Variants in KCNMA1 observed in about 807,000 individuals in gnomAD.
The protein encoded by KCNMA1 is potassium calcium-activated channel subfamily M alpha 1, also known as Calcium-activated potassium channel subunit alpha-1.
Under a neutral mutation model 140.0 loss-of-function variants are expected in KCNMA1, and 29 were observed. That is an observed-to-expected ratio of 0.21 (90% CI 0.15 to 0.28). KCNMA1 has a LOEUF of 0.28. Ranked by LOEUF, KCNMA1 falls within the 10% of genes least tolerant of loss-of-function variation. KCNMA1 has a pLI of 1.00. For missense variants in KCNMA1, 880 were observed against 1,602.2 expected (o/e 0.55, Z 7.70); for synonymous variants, 612 against 611.9 (o/e 1.00, Z 0.00).
At chr10:77,439,087 AAAGAG>A (rs55994326) in intron 1 of KCNMA1, among the ~76,000 whole-genome samples, 22,802 of 124,752 alleles carry the variant, frequency 0.18, 2,028 homozygotes, top group Admixed American at 0.23. Flanking sequence ...AAAGAAAAGA[AAAGAG>A]AAGAGAAGAG....
At chr10:77,109,546 C>G (rs1183400627) in intron 8 of KCNMA1, among the ~76,000 whole-genome samples, 1 of 152,144 alleles carries the variant, frequency 6.6e-6, no homozygotes, top group Non-Finnish European at 1.5e-5. Context: ...TTTTAAAAAG[C>G]AAACAGTGAA....
chr10:77,364,921 C>A (rs2094244133), intron 2 of KCNMA1, among the ~76,000 whole-genome samples: 1 of 152,172 alleles, frequency 6.6e-6, no homozygotes, highest in Non-Finnish European at 1.5e-5. Flanking sequence ...TAAATAGGAA[C>A]CGGGCTAGAA....
chr10:77,401,574 G>A (rs57258085), intron 2 of KCNMA1, among the ~76,000 whole-genome samples: 1 of 152,144 alleles, frequency 6.6e-6, no homozygotes, highest in Non-Finnish European at 1.5e-5. Flanking sequence ...TGTTTTTCCT[G>A]CTCCTCACTT....
chr10:77,400,586 G>A (rs2154459932), intron 2 of KCNMA1, among the ~76,000 whole-genome samples: 1 of 152,318 alleles, frequency 6.6e-6, no homozygotes, highest in South Asian at 2.1e-4. Flanking sequence ...GGGAGACAGG[G>A]AGCTGGCAGG....
rs539127922 is a variant in KCNMA1 at position 77,253,006 on chromosome 10, T to C, written c.541-1750A>G. ...CCCTCCCATCACACATATTCATTCA[T>C]ATGTTCCTTTCAAAGGTACACACAA... On this transcript the variant is annotated intron_variant, in intron 2 of 27. Transcript: ENST00000286628. Among the ~76,000 whole-genome samples the C allele has an allele frequency of 4.6e-5, 7 of 152,300 alleles. No homozygotes were observed. In the South Asian group the frequency reaches 1.5e-3, roughly 32 times the overall value.
At chr10:77,306,264 G>GAAAACTAC (rs2077694518) in intron 2 of KCNMA1, among the ~76,000 whole-genome samples, 1 of 152,186 alleles carries the variant, frequency 6.6e-6, no homozygotes, top group Non-Finnish European at 1.5e-5. Context: ...ACACTAAACA[G>GAAAACTAC]AAAACTACAT....
chr10:77,182,888 T>TC (rs2098814152), intron 5 of KCNMA1, among the ~76,000 whole-genome samples: 1 of 152,108 alleles, frequency 6.6e-6, no homozygotes, highest in South Asian at 2.1e-4. Context: ...AGCAGCACTC[T>TC]CCCCTTAACA....
At chr10:77,161,727 A>G (rs929402925) in intron 5 of KCNMA1, among the ~76,000 whole-genome samples, 12 of 152,234 alleles carry the variant, frequency 7.9e-5, no homozygotes, top group Non-Finnish European at 1.6e-4. Context: ...ATCCAAAGCA[A>G]TAAGTGCTCT....
chr10:77,512,842 C>T (rs528525949), intron 1 of KCNMA1, among the ~76,000 whole-genome samples: 18 of 152,226 alleles, frequency 1.2e-4, no homozygotes, highest in African/African-American at 3.4e-4. Flanking sequence ...AGGACTGAGA[C>T]GGTATATCCG....
At chr10:76,914,207 G>C (rs1301035928) in intron 24 of KCNMA1, 1 of 1,143,514 alleles carries the variant, frequency 8.7e-7, no homozygotes, top group Non-Finnish European at 1.3e-6. Flanking sequence ...AAGAGAGTGA[G>C]GGAATAACAG....
intron 1 of KCNMA1, among the ~76,000 whole-genome samples, chr10:77,597,273 C>T (rs530772432): frequency 6.6e-5 from 10 of 152,120 alleles, no homozygotes; most frequent in African/African-American, 2.4e-4. Context: ...ATCTCTCCTG[C>T]CTCAGGAGAG....
chr10:77,400,828 T>A (rs962527331), intron 2 of KCNMA1, among the ~76,000 whole-genome samples: 27 of 152,040 alleles, frequency 1.8e-4, no homozygotes, highest in Admixed American at 5.9e-4. Context: ...AGTGCCTGGA[T>A]CACAAGAGGC....
intron 5 of KCNMA1, among the ~76,000 whole-genome samples, chr10:77,172,842 C>T (rs1432097717): frequency 1.3e-5 from 2 of 152,122 alleles, no homozygotes; most frequent in African/African-American, 2.4e-5. Context: ...CAGATCAAGG[C>T]GACAACAGAT....
At chr10:77,381,423 G>A (rs1009726952) in intron 2 of KCNMA1, among the ~76,000 whole-genome samples, 2 of 152,062 alleles carry the variant, frequency 1.3e-5, no homozygotes, top group Non-Finnish European at 2.9e-5. Context: ...TCCAAAAAAT[G>A]GAATATTTAA....
chr10:76,897,358 T>C (rs1385147924), intron 25 of KCNMA1, among the ~76,000 whole-genome samples: 1 of 151,570 alleles, frequency 6.6e-6, no homozygotes, highest in Non-Finnish European at 1.5e-5. Context: ...GAATTCAAAA[T>C]ATTAAATGGA....
chr10:77,636,703 C>T (rs1186097661), intron 1 of KCNMA1: 7 of 1,525,300 alleles, frequency 4.6e-6, no homozygotes, highest in South Asian at 1.2e-5. Flanking sequence ...CCCCTGTTAT[C>T]TCGGGCCATG....
At chr10:77,299,659 A>C (rs1419322088) in intron 2 of KCNMA1, among the ~76,000 whole-genome samples, 1 of 152,214 alleles carries the variant, frequency 6.6e-6, no homozygotes, top group African/African-American at 2.4e-5. Flanking sequence ...ATTTGAGAAA[A>C]GGGAAAAACA....
At chr10:77,627,446 C>T (rs2092674750) in intron 1 of KCNMA1, among the ~76,000 whole-genome samples, 1 of 152,166 alleles carries the variant, frequency 6.6e-6, no homozygotes, top group Admixed American at 6.5e-5. Flanking sequence ...CCTCAGAAGG[C>T]AAACTTCAAG....
intron 1 of KCNMA1, among the ~76,000 whole-genome samples, chr10:77,429,441 G>A (rs2097100540): frequency 6.6e-6 from 1 of 152,210 alleles, no homozygotes; most frequent in African/African-American, 2.4e-5. Context: ...TCCCAACATG[G>A]CCAAACGTCC....
Sources: gnomAD v4.1 joint callset for allele counts (sites outside exome capture counted in the v4.1 genomes callset) on GRCh38, gnomAD v4.1.1 for gene constraint, MANE v1.5 for transcripts, NCBI Gene and HGNC (gene_info 2026-07-23, HGNC 2026-07-21) for gene names.